UNC80: variants seen among roughly 807,000 people sequenced by gnomAD.
UNC80 encodes protein unc-80 homolog.
In UNC80, 164 loss-of-function variants were observed where a neutral mutation model predicts 384.6. That is an observed-to-expected ratio of 0.43 (90% CI 0.38 to 0.49). UNC80 has a LOEUF of 0.49. UNC80 is among the 20% of genes least tolerant of loss of function. The pLI is 0.00. For missense variants in UNC80, 3,330 were observed against 4,143.0 expected, an observed-to-expected ratio of 0.80 and a Z score of 5.39; for synonymous variants, 1,486 against 1,527.8, an observed-to-expected ratio of 0.97 and a Z score of 0.64.
At chr2:209,783,680 T>C (rs1389261821) in intron 4 of UNC80, among the ~76,000 whole-genome samples, 1 of 152,078 alleles carries the variant, frequency 6.6e-6, no homozygotes, top group African/African-American at 2.4e-5. Context: ...AAGCCCAGGA[T>C]TTCAGTATAA....
chr2:209,808,250 G>C lies in UNC80; in HGVS notation c.939-5330G>C, dbSNP rs555841191. 3.9e-5 allele frequency among the ~76,000 whole-genome samples: 6 copies of C among 152,104 alleles called. No individual in the cohort carries two copies. The East Asian group carries it at 1.2e-3, about 29-fold the overall frequency. ...GTCAGCGTATCTTCTCAGTTACGGT[G>C]ATTCCATATAGGATTATTAAGAGTG... On this transcript the variant is annotated intron_variant, in intron 7 of 64. Coordinates refer to ENST00000673920, the MANE Select transcript of UNC80 (RefSeq NM_001371986.1).
chr2:209,795,790 C>T (rs2078115836), intron 7 of UNC80: 1 of 152,232 alleles, frequency 6.6e-6, no homozygotes, highest in African/African-American at 2.4e-5. Flanking sequence ...GGTTTGGGAA[C>T]CTCCGCCTAT....
chr2:209,941,224 G>A lies in UNC80; in HGVS notation c.6650G>A (p.Gly2217Glu). 6.6e-7 allele frequency: 1 copy of A among 1,505,332 alleles called. No individual in the cohort carries two copies. Among genetic ancestry groups the A allele is most frequent in the Non-Finnish European group, 9.0e-7 (1 of 1,116,016 alleles). 93.2% of individuals were successfully genotyped at this position (1,505,332 alleles called of 1,614,324 possible). Residue 2217 changes from glycine to glutamate, a missense_variant, in exon 44 of 65, where the codon GGA becomes GAA. By Grantham distance (98) the Gly-to-Glu change is moderately conservative. Transcript: ENST00000673920. Reference protein sequence around the residue: ...EFSLFSDPQAGKELFGLDTLQ... With the variant: ...EFSLFSDPQAEKELFGLDTLQ... ...CTGCTGTTTCATGTTCTCACAGCTG[G>A]AAAGGAACTGTTTGGCCTCGACACT...
chr2:209,988,862 T>C (rs1472891735), intron 61 of UNC80, among the ~76,000 whole-genome samples: 6 of 152,180 alleles, frequency 3.9e-5, no homozygotes, highest in Admixed American at 3.3e-4. Flanking sequence ...ATATTTTTCA[T>C]TGACTCAAAA....
intron 7 of UNC80, chr2:209,809,647 G>A: frequency 8.2e-6 from 5 of 606,904 alleles, no homozygotes; most frequent in Non-Finnish European, 1.5e-5. Flanking sequence ...GCCTCCCCAA[G>A]CTCCAGAAGG....
chr2:209,944,555 A>T (rs1017328468), intron 45 of UNC80, among the ~76,000 whole-genome samples: 1 of 152,136 alleles, frequency 6.6e-6, no homozygotes, highest in Non-Finnish European at 1.5e-5. Flanking sequence ...GAAGAACATC[A>T]TAAGGATTTG....
intron 45 of UNC80, among the ~76,000 whole-genome samples, chr2:209,944,231 T>C (rs2091799177): frequency 6.6e-6 from 1 of 152,208 alleles, no homozygotes; most frequent in African/African-American, 2.4e-5. Flanking sequence ...ATAAAAGAGA[T>C]GGAAAGTAGA....
intron 28 of UNC80, among the ~76,000 whole-genome samples, chr2:209,900,987 G>A (rs1433720671): frequency 6.6e-6 from 1 of 152,174 alleles, no homozygotes; most frequent in East Asian, 1.9e-4. Context: ...AGTTAGCAGA[G>A]GTTGCTTCAT....
At chr2:209,939,336 C>G in intron 42 of UNC80, 136 bp from the exon 43 acceptor site, 2 of 822,730 alleles carry the variant, frequency 2.4e-6, no homozygotes, top group Non-Finnish European at 3.6e-6. Flanking sequence ...CACATGTCTC[C>G]CTCATTTCAC....
At chr2:209,905,001 A>G in intron 29 of UNC80, 36 bp downstream of exon 29, 1 of 1,542,362 alleles carries the variant, frequency 6.5e-7, no homozygotes, top group Non-Finnish European at 8.8e-7. Flanking sequence ...TTCTAATACT[A>G]GAAACATGAT....
rs549949142 is a variant in UNC80 at position 209,892,327 on chromosome 2, G to T, written c.4277-1836G>T. On this transcript the variant is annotated intron_variant, in intron 26 of 64. Coordinates refer to ENST00000673920, the MANE Select transcript of UNC80 (RefSeq NM_001371986.1). Reference sequence around the variant, plus strand: ...CAAAGATGTTTTATCCAATTTAGATGGATTTGTTTCACTTTTGTACTAGTT... The same window carrying T: ...CAAAGATGTTTTATCCAATTTAGATTGATTTGTTTCACTTTTGTACTAGTT... Among the ~76,000 whole-genome samples the T allele has an allele frequency of 1.2e-4, 19 of 152,208 alleles. No individual in the cohort carries two copies. The South Asian group carries it at 3.9e-3, about 32-fold the overall frequency.
At chr2:209,920,462 C>A (rs1416493080) in intron 33 of UNC80, among the ~76,000 whole-genome samples, 1 of 152,216 alleles carries the variant, frequency 6.6e-6, no homozygotes, top group African/African-American at 2.4e-5. Context: ...CTTGTCTGGG[C>A]ATAAGCATCA....
In UNC80 at chr2:209,995,865, A is replaced by G; in HGVS notation, c.*270A>G. 2.6e-6 allele frequency: 1 copy of G among 380,056 alleles called. No homozygotes were observed. Among genetic ancestry groups the G allele is most frequent in the East Asian group, 5.4e-5 (1 of 18,354 alleles). The allele number at this position is 380,056 out of a possible 1,614,324, so 23.5% of individuals were successfully genotyped here. A position where few individuals can be genotyped will look rare whatever the true frequency, so the allele number is the denominator to read the frequency against. On this transcript the variant is annotated 3_prime_UTR_variant, in exon 65 of 65. Transcript: ENST00000673920. ...GCCATTTCACTGCACATTGTTTATGATTCAAGAAGCCTTCAGCAGTTAAAA... is the reference window on the plus strand; with the variant it reads ...GCCATTTCACTGCACATTGTTTATGGTTCAAGAAGCCTTCAGCAGTTAAAA...
chr2:209,941,089 T>C (rs921121727), intron 43 of UNC80, 132 bp from the exon 44 acceptor site: 1 of 1,198,102 alleles, frequency 8.3e-7, no homozygotes, highest in Non-Finnish European at 1.1e-6. Context: ...CTGGAAAACA[T>C]TTCAGCAGTA....
chr2:209,979,998 G>A (rs2093120280), intron 59 of UNC80, among the ~76,000 whole-genome samples: 1 of 152,210 alleles, frequency 6.6e-6, no homozygotes, highest in Non-Finnish European at 1.5e-5. Flanking sequence ...GTACTTACCA[G>A]TAATATTTGC....
At chr2:209,836,686 C>G (rs754574165) in intron 18 of UNC80, among the ~76,000 whole-genome samples, 14 of 152,136 alleles carry the variant, frequency 9.2e-5, no homozygotes, top group Non-Finnish European at 1.6e-4. Context: ...TCAAATGTCC[C>G]CTAGTTAGCA....
intron 17 of UNC80, 63 bp from the exon 18 acceptor site, chr2:209,834,849 T>G: frequency 7.6e-7 from 1 of 1,322,076 alleles, no homozygotes; most frequent in Non-Finnish European, 1.1e-6. Flanking sequence ...TTATGAAGTG[T>G]ATGAAGTATT....
chr2:209,773,501 C>T (rs2076694897), intron 2 of UNC80, among the ~76,000 whole-genome samples: 1 of 152,050 alleles, frequency 6.6e-6, no homozygotes, highest in African/African-American at 2.4e-5. Flanking sequence ...TTAATGTGAA[C>T]CTTGGCCAAA....
In UNC80 at chr2:209,976,238, C is replaced by G. The variant is rs1422492492; in HGVS notation, c.8707C>G (p.Leu2903Val). The G allele has an allele frequency of 3.2e-6, 5 of 1,551,712 alleles. No individual in the cohort carries two copies. The highest frequency in any genetic ancestry group is 4.4e-6 in the Non-Finnish European group (5 of 1,147,000). Residue 2903 changes from leucine to valine, a missense_variant, in exon 57 of 65, where the codon CTC (leucine) becomes GTC (valine). Physicochemically the swap from Leu to Val is conservative, Grantham distance 32. Around this residue, in one of 8 missense-constraint regions of UNC80, gnomAD observed 1,049 missense variants for 1,488.6 expected, o/e 0.70. Transcript: ENST00000673920. This position sits in a 1 kb window ranked among gnomAD's most constrained non-coding sequence, Gnocchi z 4.3. ...GGGAGGCCTGGCCCTTTGGGATTTCCTCGACTTCATCGTGCGGACCCGAAT... is the reference window on the plus strand; with the variant it reads ...GGGAGGCCTGGCCCTTTGGGATTTCGTCGACTTCATCGTGCGGACCCGAAT... ...KVGGLALWDF[L>V]DFIVRTRIPI...
Sources: allele counts gnomAD v4.1 joint callset (sites outside exome capture counted in the v4.1 genomes callset), GRCh38; gene constraint gnomAD v4.1.1; regional missense constraint gnomAD v4.1.1; non-coding constraint Gnocchi (gnomAD v3.1); transcripts MANE v1.5; gene names NCBI Gene and HGNC (gene_info 2026-07-23, HGNC 2026-07-21).